Variants in JAK1 observed in about 807,000 individuals in gnomAD.
JAK1 encodes the protein Janus kinase 1.
JAK1 carries 16 observed loss-of-function variants against 136.6 expected under a neutral mutation model. The ratio of observed to expected loss-of-function variants is 0.12; its 90% CI spans 0.08 to 0.18. The LOEUF (loss-of-function observed/expected upper bound fraction) is 0.18. JAK1 is among the 10% of genes least tolerant of loss of function. The pLI, the probability that JAK1 is intolerant of heterozygous loss-of-function variation, is 1.00. For missense variants in JAK1, 859 were observed against 1,450.1 expected (o/e 0.59, Z 6.62); for synonymous variants, 492 against 519.5 (o/e 0.95, Z 0.72).
intron 12 of JAK1, 124 bp downstream of exon 12, chr1:64,850,680 G>T (rs536842918): frequency 7.4e-6 from 5 of 679,872 alleles, no homozygotes; most frequent in Non-Finnish European, 7.9e-6. Flanking sequence ...TCAAAGGAAA[G>T]TCTCCCTGTT....
rs369297727 is a variant in JAK1, at chr1:65,000,643, G to A, written c.-78+43837C>T. Among the ~76,000 whole-genome samples the A allele has an allele frequency of 2.3e-4, 35 of 152,198 alleles. 5 individuals are homozygous for A. The highest frequency in any genetic ancestry group is 3.3e-4 in the Admixed American group (5 of 15,286). On this transcript the variant is annotated intron_variant, in intron 2 of 25. Transcript: ENST00000671954. ...ATACGAAGTAGTGATTTAAAAACACGTATGGAAAATATTTTTCCATGATAT... is the reference window on the plus strand; with the variant it reads ...ATACGAAGTAGTGATTTAAAAACACATATGGAAAATATTTTTCCATGATAT...
chr1:64,937,658 T>C (rs1262162870), intron 1 of JAK1, among the ~76,000 whole-genome samples: 1 of 152,156 alleles, frequency 6.6e-6, no homozygotes, highest in Non-Finnish European at 1.5e-5. Context: ...GCAGACTTAG[T>C]CGATCATAGA....
At chr1:64,839,492 T>C in intron 20 of JAK1, 111 bp downstream of exon 20, 1 of 867,344 alleles carries the variant, frequency 1.2e-6, no homozygotes, top group Non-Finnish European at 1.8e-6. Flanking sequence ...AACCACCAGC[T>C]AGCATGTCAG....
chr1:65,058,214 A>G (rs1218334875), intron 1 of JAK1, among the ~76,000 whole-genome samples: 2 of 152,182 alleles, frequency 1.3e-5, no homozygotes, highest in African/African-American at 4.8e-5. Context: ...CAAAGATCTT[A>G]ATATATGTTC....
At chr1:64,838,173 T>G in intron 21 of JAK1, 69 bp from the exon 22 acceptor site, 1 of 1,419,326 alleles carries the variant, frequency 7.0e-7, no homozygotes, top group Non-Finnish European at 9.5e-7. Flanking sequence ...TATCACTTCA[T>G]CAGAAAAAAT....
rs974041612 is a variant in JAK1 at position 64,984,931 on chromosome 1, C to T, written c.-78+59549G>A. The T allele has an allele frequency of 4.4e-6, 5 of 1,125,610 alleles. No homozygotes were observed. In the Admixed American group the frequency reaches 8.6e-5, roughly 19 times the overall value. The allele number at this position is 1,125,610 out of a possible 1,614,324, so 69.7% of individuals were successfully genotyped here. ...GGGCCCTGGCTGAAGAGTTCAGCCA[C>T]AATAAACCAGGGAATGTGGTCTGGC... On this transcript the variant is annotated intron_variant, in intron 2 of 25. Coordinates refer to the JAK1 transcript ENST00000671954. The surrounding 1 kb of genome is among the most constrained non-coding windows in gnomAD (Gnocchi z 4.1).
chr1:64,908,072 C>T (rs1349239775), intron 1 of JAK1, among the ~76,000 whole-genome samples: 1 of 152,164 alleles, frequency 6.6e-6, no homozygotes, highest in African/African-American at 2.4e-5. Flanking sequence ...AAGTAGACTA[C>T]TGACCTCCTT....
chr1:64,936,662 T>G (rs1645794120), intron 1 of JAK1, among the ~76,000 whole-genome samples: 1 of 152,138 alleles, frequency 6.6e-6, no homozygotes, highest in African/African-American at 2.4e-5. Context: ...GCTCCACCAC[T>G]TACTAGCTCT....
intron 2 of JAK1, chr1:64,985,653 A>G: frequency 1.4e-6 from 1 of 737,334 alleles, no homozygotes; most frequent in Non-Finnish European, 2.4e-6. Flanking sequence ...TTGCAGGCCA[A>G]TAGGTGAGAT....
chr1:64,869,706 A>G (rs1396657712), intron 5 of JAK1, among the ~76,000 whole-genome samples: 1 of 152,228 alleles, frequency 6.6e-6, no homozygotes, highest in Admixed American at 6.5e-5. Context: ...TATGCCAGGC[A>G]CTGGGGAACA....
At chr1:64,969,198 T>C (rs986531338), upstream of JAK1, among the ~76,000 whole-genome samples, 2 of 150,790 alleles carry the variant, frequency 1.3e-5, no homozygotes, top group African/African-American at 4.9e-5. Context: ...AATAAAATAG[T>C]GGGTTTTTTT....
intron 1 of JAK1, among the ~76,000 whole-genome samples, chr1:64,898,615 T>A (rs1348966597): frequency 6.6e-6 from 1 of 152,222 alleles, no homozygotes; most frequent in Non-Finnish European, 1.5e-5. Context: ...TAGAACCTGA[T>A]TTTGACCCAT....
chr1:64,927,264 T>TTCCTCAGGGCACTTATGACAGCCTA (rs1645598652), intron 1 of JAK1, among the ~76,000 whole-genome samples: 1 of 152,216 alleles, frequency 6.6e-6, no homozygotes, highest in Admixed American at 6.5e-5. Flanking sequence ...CTTGTTTCTT[T>TTCCTCAGGGCACTTATGACAGCCTA]TCCTCAGGGC....
intron 1 of JAK1, among the ~76,000 whole-genome samples, chr1:64,947,988 T>C (rs1646018444): frequency 6.6e-6 from 1 of 152,158 alleles, no homozygotes; most frequent in African/African-American, 2.4e-5. Context: ...AGGTATAACA[T>C]AGAAGAGAAT....
chr1:65,037,674 AC>A (rs1647087243), intron 2 of JAK1, among the ~76,000 whole-genome samples: 1 of 152,122 alleles, frequency 6.6e-6, no homozygotes, highest in Non-Finnish European at 1.5e-5. Context: ...ACCAGCCTGC[AC>A]AACATAGAAA....
intron 1 of JAK1, among the ~76,000 whole-genome samples, chr1:64,930,408 A>C (rs1357509224): frequency 6.6e-6 from 1 of 152,250 alleles, no homozygotes; most frequent in Non-Finnish European, 1.5e-5. Context: ...AAAGCTCATC[A>C]TCACTGTTCA....
At chr1:64,859,250 G>A (rs1360762340) in intron 9 of JAK1, among the ~76,000 whole-genome samples, 1 of 152,218 alleles carries the variant, frequency 6.6e-6, no homozygotes, top group Non-Finnish European at 1.5e-5. Context: ...CACAGCAGCT[G>A]GCTGTTTTCC....
Position 65,060,106 on chromosome 1 carries a change from G to A in JAK1, c.-181+7498C>T, listed in dbSNP as rs1011726152. ...TCTTAGCCAACTGTAATACAGAGTT[G>A]AAACACGAGAGGGCAACGAAGATTA... On this transcript the variant is annotated intron_variant, in intron 1 of 25. Transcript: ENST00000671954. Among the ~76,000 whole-genome samples, 27 of 150,990 alleles carry A rather than the reference G, an allele frequency of 1.8e-4. 1 individual carries two copies. The highest frequency in any genetic ancestry group is 4.4e-5 in the Non-Finnish European group (3 of 67,858).
chr1:64,993,843 C>T (rs976629019), intron 2 of JAK1, among the ~76,000 whole-genome samples: 8 of 152,220 alleles, frequency 5.3e-5, no homozygotes, highest in African/African-American at 1.9e-4. Context: ...GATGGGGTTT[C>T]GCCATGTTGG....
Sources: gnomAD v4.1 joint callset for allele counts (sites outside exome capture counted in the v4.1 genomes callset) on GRCh38, gnomAD v4.1.1 for gene constraint, Gnocchi (gnomAD v3.1) non-coding constraint, MANE v1.5 for transcripts, NCBI Gene and HGNC (gene_info 2026-07-23, HGNC 2026-07-21) for gene names.